Variants in DGKB observed in about 807,000 individuals in gnomAD.
DGKB encodes the protein diacylglycerol kinase beta.
Under a neutral mutation model 114.3 loss-of-function variants are expected in DGKB, and 67 were observed. The observed-to-expected ratio is 0.59, with a 90% confidence interval of 0.48 to 0.72. The LOEUF is 0.72. Among genes scored for constraint, DGKB ranks in the 30% least tolerant of loss-of-function variants. The probability of loss-of-function intolerance (pLI) is 0.00; values close to 1 mark genes in which losing one functional copy is unlikely to be tolerated. For missense variants in DGKB, 907 were observed against 975.2 expected, an observed-to-expected ratio of 0.93 and a Z score of 0.93; for synonymous variants, 398 against 323.1, an observed-to-expected ratio of 1.23 and a Z score of -2.49.
chr7:14,675,498 G>C (rs1459585298), intron 12 of DGKB, among the ~76,000 whole-genome samples: 2 of 152,054 alleles, frequency 1.3e-5, no homozygotes, highest in African/African-American at 4.8e-5. Context: ...CAATAGATGA[G>C]CTTACCAGAG....
chr7:14,273,233 CT>C (rs1218372126), intron 23 of DGKB, among the ~76,000 whole-genome samples: 1 of 152,130 alleles, frequency 6.6e-6, no homozygotes, highest in Non-Finnish European at 1.5e-5. Flanking sequence ...GTAGTCCCAG[CT>C]ACTCAGGAGG....
chr7:14,433,508 G>A (rs1828791544), intron 21 of DGKB, among the ~76,000 whole-genome samples: 1 of 152,016 alleles, frequency 6.6e-6, no homozygotes, highest in Non-Finnish European at 1.5e-5. Flanking sequence ...TAAGAAAGCG[G>A]AAGTATTCTA....
chr7:14,522,258 GCATAGA>G (rs1466752860), intron 20 of DGKB, among the ~76,000 whole-genome samples: 6 of 152,144 alleles, frequency 3.9e-5, no homozygotes, highest in Non-Finnish European at 8.8e-5. Context: ...TGTCGCACAT[GCATAGA>G]TAGGCTTTAA....
At position 14,687,308 on chromosome 7, in the gene DGKB, A is replaced by T. The variant is rs550147023; in HGVS notation, c.712-1946T>A. 7.9e-5 allele frequency among the ~76,000 whole-genome samples: 12 copies of T among 152,302 alleles called. No individual in the cohort carries two copies. In the South Asian group the frequency reaches 2.3e-3, roughly 29 times the overall value. On this transcript the variant is annotated intron_variant, in intron 9 of 25. Transcript: ENST00000402815. ...TTTTGGACCCTTTACAATTCTTGAC[A>T]TTGCTCAGATTTACCTTTCTGACAA...
chr7:14,687,534 C>T (rs561452120), intron 9 of DGKB, among the ~76,000 whole-genome samples: 17 of 152,112 alleles, frequency 1.1e-4, no homozygotes, highest in Non-Finnish European at 2.2e-4. Context: ...TTTAACTTTG[C>T]TATATTTTCA....
At chr7:14,230,648 C>G (rs1435892279) in intron 23 of DGKB, among the ~76,000 whole-genome samples, 1 of 152,022 alleles carries the variant, frequency 6.6e-6, no homozygotes, top group East Asian at 1.9e-4. Context: ...TTCAAACATA[C>G]TTTAAAACCT....
intron 17 of DGKB, among the ~76,000 whole-genome samples, chr7:14,594,460 C>A (rs746421786): frequency 3.3e-5 from 5 of 151,912 alleles, no homozygotes; most frequent in African/African-American, 1.2e-4. Flanking sequence ...GGGAAAAATA[C>A]GATAAAGAGT....
At chr7:14,639,662 G>C (rs1051898832) in intron 13 of DGKB, among the ~76,000 whole-genome samples, 13 of 152,164 alleles carry the variant, frequency 8.5e-5, no homozygotes, top group African/African-American at 3.1e-4. Context: ...CTAAAGGTAC[G>C]GGCCAAGGCT....
At chr7:14,577,388 C>G (rs888422673) in intron 19 of DGKB, among the ~76,000 whole-genome samples, 1 of 152,046 alleles carries the variant, frequency 6.6e-6, no homozygotes, top group African/African-American at 2.4e-5. Context: ...GAGGTCAAGG[C>G]GGGTGGATCA....
At chr7:14,658,842 T>G (rs1427571496) in intron 13 of DGKB, among the ~76,000 whole-genome samples, 3 of 151,986 alleles carry the variant, frequency 2.0e-5, no homozygotes, top group Non-Finnish European at 2.9e-5. Context: ...AGTTTTGTTG[T>G]CCTTTCTGTG....
intron 23 of DGKB, among the ~76,000 whole-genome samples, chr7:14,205,214 G>A (rs2128295080): frequency 6.6e-6 from 1 of 152,038 alleles, no homozygotes; most frequent in African/African-American, 2.4e-5. Flanking sequence ...GAAACTTGTG[G>A]AGATTCATCC....
intron 1 of DGKB, among the ~76,000 whole-genome samples, chr7:14,890,196 T>C (rs1236091475): frequency 6.6e-6 from 1 of 151,560 alleles, no homozygotes; most frequent in East Asian, 1.9e-4. Context: ...GTATATTTTT[T>C]AGGTCACAGC....
intron 21 of DGKB, among the ~76,000 whole-genome samples, chr7:14,475,143 C>T (rs917400316): frequency 6.6e-6 from 1 of 151,974 alleles, no homozygotes; most frequent in Non-Finnish European, 1.5e-5. Flanking sequence ...AAATGAATTT[C>T]AAGGTGAGCA....
intron 20 of DGKB, among the ~76,000 whole-genome samples, chr7:14,555,019 T>C (rs1212848466): frequency 6.6e-6 from 1 of 152,202 alleles, no homozygotes; most frequent in Non-Finnish European, 1.5e-5. Context: ...TGCTGGTCTC[T>C]GACAAGTTTT....
intron 20 of DGKB, among the ~76,000 whole-genome samples, chr7:14,481,255 T>C (rs147920740): frequency 3.9e-5 from 6 of 152,078 alleles, no homozygotes; most frequent in Non-Finnish European, 7.4e-5. Context: ...TGTATAGGCT[T>C]ATTTATGTTT....
intron 21 of DGKB, among the ~76,000 whole-genome samples, chr7:14,455,717 G>T (rs988118307): frequency 2.6e-5 from 4 of 152,122 alleles, no homozygotes; most frequent in African/African-American, 4.8e-5. Flanking sequence ...AAATGAATGT[G>T]CACTGAACAT....
intron 1 of DGKB, among the ~76,000 whole-genome samples, chr7:14,968,873 G>A (rs1056207769): frequency 1.3e-5 from 2 of 152,120 alleles, no homozygotes; most frequent in African/African-American, 2.4e-5. Context: ...CAAATAATGT[G>A]ATGTATTTGT....
chr7:14,325,652 G>T (rs1274568074), intron 23 of DGKB, among the ~76,000 whole-genome samples: 1 of 152,078 alleles, frequency 6.6e-6, no homozygotes, highest in Non-Finnish European at 1.5e-5. Flanking sequence ...CATTAGAACA[G>T]GTTTAAAGAT....
intron 25 of DGKB, among the ~76,000 whole-genome samples, chr7:14,173,393 A>G (rs1322920306): frequency 2.0e-5 from 3 of 152,206 alleles, no homozygotes; most frequent in Admixed American, 1.3e-4. Context: ...GTGCAGTTCA[A>G]TGGCACCAAG....
Sources: allele counts gnomAD v4.1 joint callset (sites outside exome capture counted in the v4.1 genomes callset), GRCh38; gene constraint gnomAD v4.1.1; transcripts MANE v1.5; gene names NCBI Gene and HGNC (gene_info 2026-07-23, HGNC 2026-07-21).